PLA2G2C: variants seen among roughly 807,000 people sequenced by gnomAD.
PLA2G2C encodes the protein putative inactive group IIC secretory phospholipase A2.
Under a neutral mutation model 14.3 loss-of-function variants are expected in PLA2G2C, and 15 were observed. That is an observed-to-expected ratio of 1.05 (90% CI 0.70 to 1.62). The LOEUF (loss-of-function observed/expected upper bound fraction) is 1.62. Ranked by LOEUF, PLA2G2C falls within the 40% of genes most tolerant of loss-of-function variation. PLA2G2C has a pLI of 0.00. For synonymous variants in PLA2G2C, 79 were observed against 67.7 expected (o/e 1.17, Z -0.82); for missense variants, 162 against 173.2 (o/e 0.94, Z 0.36).
chr1:20,170,744 C>T (rs889499189), intron 4 of PLA2G2C, among the ~76,000 whole-genome samples: 2 of 143,804 alleles, frequency 1.4e-5, no homozygotes, highest in African/African-American at 5.3e-5. Flanking sequence ...CCTCCTCCCA[C>T]GCTAGTGCCC....
chr1:20,166,765 T>G (rs1412161506), intron 4 of PLA2G2C, among the ~76,000 whole-genome samples: 1 of 152,200 alleles, frequency 6.6e-6, no homozygotes, highest in Non-Finnish European at 1.5e-5. Flanking sequence ...TCCTTTCTAA[T>G]GCGTGCATCT....
intron 1 of PLA2G2C, among the ~76,000 whole-genome samples, chr1:20,185,653 A>G (rs1354331560): frequency 6.6e-6 from 1 of 152,090 alleles, no homozygotes; most frequent in African/African-American, 2.4e-5. Context: ...TGCTCCCCGC[A>G]ACTCAGATAC....
chr1:20,176,630 T>C (rs2018189260), intron 2 of PLA2G2C, among the ~76,000 whole-genome samples: 1 of 152,204 alleles, frequency 6.6e-6, no homozygotes, highest in Admixed American at 6.5e-5. Context: ...ACAGGTATCC[T>C]CCTGCACTAT....
intron 4 of PLA2G2C, among the ~76,000 whole-genome samples, chr1:20,168,372 C>A (rs925292407): frequency 6.6e-6 from 1 of 152,254 alleles, no homozygotes; most frequent in Non-Finnish European, 1.5e-5. Context: ...AGACCCCACA[C>A]TGCTTAGTCC....
At chr1:20,172,084 T>C (rs1196291806) in intron 4 of PLA2G2C, among the ~76,000 whole-genome samples, 2 of 152,108 alleles carry the variant, frequency 1.3e-5, no homozygotes, top group Non-Finnish European at 2.9e-5. Context: ...TCTTTATTTG[T>C]TGCTCTTCAC....
chr1:20,173,514 G>A (rs564588518), intron 3 of PLA2G2C, among the ~76,000 whole-genome samples: 1 of 152,252 alleles, frequency 6.6e-6, no homozygotes, highest in South Asian at 2.1e-4. Context: ...ATAGACCCAG[G>A]ACACAAACCT....
intron 1 of PLA2G2C, among the ~76,000 whole-genome samples, chr1:20,181,793 T>G (rs1203145980): frequency 2.0e-5 from 3 of 152,160 alleles, no homozygotes; most frequent in African/African-American, 4.8e-5. Context: ...GGCAGCTGAC[T>G]CCATCCACAT....
chr1:20,170,774 A>G lies in PLA2G2C; in HGVS notation c.283+2020T>C, dbSNP rs1411063029. Among the ~76,000 whole-genome samples the G allele has an allele frequency of 6.2e-5, 6 of 97,246 alleles. 1 individual carries two copies. The highest frequency in any genetic ancestry group is 1.3e-4 in the Non-Finnish European group (6 of 45,906). 63.8% of individuals were successfully genotyped at this position (97,246 alleles called of 152,430 possible). Reference sequence around the variant, plus strand: ...GTGCCCTGAGCAAGGCTCTGGACTCAGGAGCCCTGGTCAAGGCTTCAGGAG... The same window carrying G: ...GTGCCCTGAGCAAGGCTCTGGACTCGGGAGCCCTGGTCAAGGCTTCAGGAG... On this transcript the variant is annotated intron_variant, in intron 4 of 4. Transcript: ENST00000679259.
intron 4 of PLA2G2C, among the ~76,000 whole-genome samples, chr1:20,171,944 T>C (rs1230903792): frequency 2.0e-5 from 3 of 151,412 alleles, no homozygotes; most frequent in African/African-American, 4.9e-5. Context: ...TTTGTATTTT[T>C]AGTAGAGACG....
chr1:20,184,006 A>G (rs975295855), intron 1 of PLA2G2C, among the ~76,000 whole-genome samples: 2 of 152,242 alleles, frequency 1.3e-5, no homozygotes, highest in African/African-American at 4.8e-5. Flanking sequence ...GGTCGGGCAC[A>G]AAGGCAGCAG....
At chr1:20,182,708 T>G (rs2018293447) in intron 1 of PLA2G2C, among the ~76,000 whole-genome samples, 1 of 152,242 alleles carries the variant, frequency 6.6e-6, no homozygotes, top group African/African-American at 2.4e-5. Context: ...TCCACCTGGT[T>G]CACCTTCTGC....
chr1:20,175,910 CT>C (rs1245322352), intron 2 of PLA2G2C, among the ~76,000 whole-genome samples: 526 of 139,790 alleles, frequency 3.8e-3, no homozygotes, highest in African/African-American at 5.2e-3. Context: ...CCCTTTCCTT[CT>C]TTTTTTTTTT....
At chr1:20,178,655 C>A (rs577145034) in intron 1 of PLA2G2C, among the ~76,000 whole-genome samples, 23 of 152,254 alleles carry the variant, frequency 1.5e-4, no homozygotes, top group African/African-American at 5.5e-4. Context: ...GCAAGTTTAG[C>A]CCACGAAAAA....
chr1:20,185,214 G>A (rs1272213140), intron 1 of PLA2G2C, among the ~76,000 whole-genome samples: 1 of 152,180 alleles, frequency 6.6e-6, no homozygotes, highest in Non-Finnish European at 1.5e-5. Context: ...GCAGGGCTGA[G>A]AGTCTAACTG....
chr1:20,168,889 G>T (rs537776917), intron 4 of PLA2G2C, among the ~76,000 whole-genome samples: 3 of 152,334 alleles, frequency 2.0e-5, no homozygotes, highest in African/African-American at 7.2e-5. Context: ...TGGCCTGAGG[G>T]CAGCTGTCCC....
In PLA2G2C at chr1:20,177,305, C is replaced by T. The variant is rs1209394858; in HGVS notation, c.40+19G>A. On this transcript the variant is annotated intron_variant, in intron 2 of 4. Coordinates refer to ENST00000679259, the MANE Select transcript of PLA2G2C (RefSeq NM_001367969.2). Reference sequence around the variant, plus strand: ...GGAAGACAGAAGCTTGGTGCTGACCCACCAAGCTCTCTACTTACAGCAGAA... The same window carrying T: ...GGAAGACAGAAGCTTGGTGCTGACCTACCAAGCTCTCTACTTACAGCAGAA... 1.4e-5 allele frequency: 10 copies of T among 700,544 alleles called. No individual in the cohort carries two copies. The highest frequency in any genetic ancestry group is 6.0e-5 in the Admixed American group (3 of 49,988). The allele number at this position is 700,544 out of a possible 1,614,324, so 43.4% of individuals were successfully genotyped here. A position where few individuals can be genotyped will look rare whatever the true frequency, so the allele number is the denominator to read the frequency against.
At position 20,177,331 on chromosome 1, in the gene PLA2G2C, G is replaced by T; in HGVS notation, c.33C>A (p.Leu11=). 1.4e-6 allele frequency: 1 copy of T among 700,910 alleles called. No homozygotes were observed. Among genetic ancestry groups the T allele is most frequent in the Non-Finnish European group, 2.6e-6 (1 of 384,874 alleles). 43.4% of individuals were successfully genotyped at this position (700,910 alleles called of 1,614,324 possible). ...ACCAAGCTCTCTACTTACAGCAGAA[G>T]AGGAGGAGGGTGAGGATGGCAATGA... MKVIAILTLL[L]FCSPTHSSFW... is the part of the protein sequence containing the mutation. Residue 11 remains leucine (L), a synonymous_variant, in exon 2 of 5, where the codon CTC becomes CTA. Transcript: ENST00000679259.
chr1:20,171,596 T>C (rs950165975), intron 4 of PLA2G2C, among the ~76,000 whole-genome samples: 3 of 152,046 alleles, frequency 2.0e-5, no homozygotes, highest in Non-Finnish European at 4.4e-5. Flanking sequence ...CCATAGGGGA[T>C]GAGTGGCAGA....
Position 20,172,893 on chromosome 1 carries a change from T to C in PLA2G2C, c.184A>G (p.Ser62Gly). 6.2e-7 allele frequency: 1 copy of C among 1,613,444 alleles called. No homozygotes were observed. Among genetic ancestry groups the C allele is most frequent in the Non-Finnish European group, 8.5e-7 (1 of 1,179,580 alleles). Residue 62 changes from serine to glycine, a missense_variant, in exon 4 of 5, where the codon AGC (serine) becomes GGC (glycine). Ser to Gly is a moderately conservative substitution (Grantham distance 56). Transcript: ENST00000679259. ...GIPVDDTDRH[S>G]PSSPSPYEKL... ...TCGTAGGGAGAGGGAGATGAGGGGC[T>C]GTGCCTGGAAGTGGGTCCCTCAGGA...
Sources: gnomAD v4.1 joint callset for allele counts (sites outside exome capture counted in the v4.1 genomes callset) on GRCh38, gnomAD v4.1.1 for gene constraint, MANE v1.5 for transcripts, NCBI Gene and HGNC (gene_info 2026-07-23, HGNC 2026-07-21) for gene names.